The following GPR149 variants were observed in gnomAD, a reference collection of about 807,000 sequenced individuals.
GPR149 encodes the protein probable G protein-coupled receptor 149.
Under a neutral mutation model 50.2 loss-of-function variants are expected in GPR149, and 50 were observed. The observed-to-expected ratio is 1.00, with a 90% CI of 0.79 to 1.26. The LOEUF (loss-of-function observed/expected upper bound fraction) is 1.26. GPR149 is among the 50% of genes most tolerant of loss of function. GPR149 has a pLI of 0.00. For missense variants in GPR149, 983 were observed against 895.4 expected, an observed-to-expected ratio of 1.10 and a Z score of -1.25; for synonymous variants, 405 against 358.2, an observed-to-expected ratio of 1.13 and a Z score of -1.48.
chr3:154,410,578 A>T (rs1210107834), intron 3 of GPR149, among the ~76,000 whole-genome samples: 1 of 152,190 alleles, frequency 6.6e-6, no homozygotes, highest in Non-Finnish European at 1.5e-5. Context: ...AAGTAGCAGC[A>T]GTTTAAAAAG....
In GPR149 at chr3:154,335,875, CCTTT is replaced by C. The variant is rs1454793431; in HGVS notation, c.*1820_*1823del. On this transcript the variant is annotated 3_prime_UTR_variant, in exon 4 of 4. Transcript: ENST00000389740. ...ATTGCATTTTAAAGCAGCAATATCACCTTTCTCTTTCAGAAAATTATACATCTAA... is the reference window on the plus strand; with the variant it reads ...ATTGCATTTTAAAGCAGCAATATCACCTCTTTCAGAAAATTATACATCTAA... 14 of 152,178 alleles carry C rather than the reference CCTTT, an allele frequency of 9.2e-5. No individual in the cohort carries two copies. The highest frequency in any genetic ancestry group is 3.1e-4 in the African/African-American group (13 of 41,560). The allele number at this position is 152,178 out of a possible 1,614,324, so 9.4% of individuals were successfully genotyped here. A position where few individuals can be genotyped will look rare whatever the true frequency, so the allele number is the denominator to read the frequency against.
chr3:154,378,931 T>C (rs1403530567), intron 3 of GPR149, among the ~76,000 whole-genome samples: 3 of 152,178 alleles, frequency 2.0e-5, no homozygotes, highest in East Asian at 3.8e-4. Context: ...GAGTTCTTTA[T>C]ATATTCTGGA....
At chr3:154,414,905 G>T (rs147027433) in intron 3 of GPR149, among the ~76,000 whole-genome samples, 1 of 151,906 alleles carries the variant, frequency 6.6e-6, no homozygotes, top group Admixed American at 6.6e-5. Flanking sequence ...TATCATCAGG[G>T]ATTAGATCCA....
chr3:154,429,611 G>A lies in GPR149; in HGVS notation c.5C>T (p.Ser2Phe). The change falls in exon 1 of 4, where the codon TCT becomes TTT. Residue 2 changes from serine to phenylalanine, a missense_variant. By Grantham distance (155) the Ser-to-Phe change is radical (BLOSUM62 -2). Coordinates refer to ENST00000389740, the MANE Select transcript of GPR149 (RefSeq NM_001038705.3). Reference sequence around the variant, plus strand: ...TGTTGATAAGTTACTGAGAAATAAAGACATTGTCCTTGGTCAATATTTAAT... The same window carrying A: ...TGTTGATAAGTTACTGAGAAATAAAAACATTGTCCTTGGTCAATATTTAAT... M[S>F]LFLSNLSTND... 6.2e-7 allele frequency: 1 copy of A among 1,609,644 alleles called. No homozygotes were observed. The highest frequency in any genetic ancestry group is 8.5e-7 in the Non-Finnish European group (1 of 1,176,982).
chr3:154,418,138 TG>T (rs1257435336), intron 3 of GPR149, among the ~76,000 whole-genome samples: 1 of 140,284 alleles, frequency 7.1e-6, no homozygotes, highest in East Asian at 2.1e-4. Context: ...CCAGTTAGAA[TG>T]GCAATCATTA....
At chr3:154,365,535 C>A (rs930198691) in intron 3 of GPR149, among the ~76,000 whole-genome samples, 5 of 152,214 alleles carry the variant, frequency 3.3e-5, no homozygotes, top group African/African-American at 9.6e-5. Context: ...CAAATCTTTA[C>A]CTTCTGCTCT....
chr3:154,429,083 G>T lies in GPR149; in HGVS notation c.533C>A (p.Thr178Lys), dbSNP rs780542696. The change falls in exon 1 of 4, where the codon ACG becomes AAG. Residue 178 changes from threonine to lysine, a missense_variant. By Grantham distance (78) the Thr-to-Lys change is moderately conservative. Transcript: ENST00000389740. ...GCAGTCCACCAGGCAGCCCCAGGGC[G>T]TGCGCACGAAGGCGCCCCAGCCGCA... The part of the protein sequence containing the change: ...PLCGWGAFVR[T>K]PWGCLVDCSS... The T allele has an allele frequency of 1.2e-6, 2 of 1,613,800 alleles. No individual in the cohort carries two copies. Among genetic ancestry groups the T allele is most frequent in the Non-Finnish European group, 8.5e-7 (1 of 1,179,946 alleles).
intron 3 of GPR149, among the ~76,000 whole-genome samples, chr3:154,407,686 ATG>A (rs1711732354): frequency 7.3e-6 from 1 of 137,156 alleles, no homozygotes; most frequent in African/African-American, 2.8e-5. Context: ...TGTATATGTC[ATG>A]TGTATACACA....
Position 154,337,432 on chromosome 3 carries a change from G to A in GPR149, c.*267C>T, listed in dbSNP as rs1713680656. Among the ~76,000 whole-genome samples, 1 of 152,088 alleles carries A rather than the reference G, an allele frequency of 6.6e-6. No homozygotes were observed. Among genetic ancestry groups the A allele is most frequent in the Non-Finnish European group, 1.5e-5 (1 of 68,010 alleles). On this transcript the variant is annotated 3_prime_UTR_variant, in exon 4 of 4. Transcript: ENST00000389740. ...GACAAGCAAAAACATTGGTAAACTA[G>A]GCCAAGATTTGATTTAGAAAATATT...
chr3:154,352,457 A>G lies in GPR149; in HGVS notation c.1624-14186T>C. ...CAGTTGTAGGAACATCAAAGCAAAC[A>G]CCCATATTTCCTTTCAGGAGGCACA... On this transcript the variant is annotated intron_variant, in intron 3 of 3. Coordinates refer to ENST00000389740, the MANE Select transcript of GPR149 (RefSeq NM_001038705.3). 9 of 808,440 alleles carry G rather than the reference A, an allele frequency of 1.1e-5. No homozygotes were observed. In the South Asian group the frequency reaches 1.2e-4, roughly 11 times the overall value. 50.1% of individuals were successfully genotyped at this position (808,440 alleles called of 1,614,324 possible). A position where few individuals can be genotyped will look rare whatever the true frequency, so the allele number is the denominator to read the frequency against.
At chr3:154,345,510 T>C (rs200629614) in intron 3 of GPR149, among the ~76,000 whole-genome samples, 1 of 152,318 alleles carries the variant, frequency 6.6e-6, no homozygotes, top group East Asian at 1.9e-4. Flanking sequence ...ATTATTGCTA[T>C]ATTCTTGAGT....
rs370437092 is a variant in GPR149 at position 154,429,174 on chromosome 3, C to T, written c.442G>A (p.Gly148Ser). The change falls in exon 1 of 4, where the codon GGC (glycine) becomes AGC (serine). Residue 148 changes from glycine to serine, a missense_variant. Coordinates refer to ENST00000389740, the MANE Select transcript of GPR149 (RefSeq NM_001038705.3). ...GTCAGCACCACGCCGAGCACCTGGCCCGATCTTCTGGAGGCTGTCTGGCTC... is the reference window on the plus strand; with the variant it reads ...GTCAGCACCACGCCGAGCACCTGGCTCGATCTTCTGGAGGCTGTCTGGCTC... The part of the protein sequence containing the change: ...VGSQTASRRS[G>S]QVLGVVLTVW... 2.6e-5 allele frequency: 42 copies of T among 1,613,974 alleles called. No homozygotes were observed. In the East Asian group the frequency reaches 6.7e-4, roughly 26 times the overall value.
intron 3 of GPR149, among the ~76,000 whole-genome samples, chr3:154,378,186 G>A (rs1048633442): frequency 6.7e-6 from 1 of 148,222 alleles, no homozygotes; most frequent in Non-Finnish European, 1.5e-5. Flanking sequence ...GGGTTCCAGT[G>A]ATCCTTGTGC....
chr3:154,406,560 C>T (rs1421047134), intron 3 of GPR149, among the ~76,000 whole-genome samples: 1 of 152,134 alleles, frequency 6.6e-6, no homozygotes, highest in African/African-American at 2.4e-5. Flanking sequence ...TGGGTTATTA[C>T]ACAGCCATGA....
intron 3 of GPR149, among the ~76,000 whole-genome samples, chr3:154,380,126 A>G (rs2108405995): frequency 6.6e-6 from 1 of 151,284 alleles, no homozygotes; most frequent in South Asian, 2.1e-4. Context: ...TTATTCATTA[A>G]CACCTCTGAC....
chr3:154,414,019 A>G (rs559761699), intron 3 of GPR149, among the ~76,000 whole-genome samples: 1 of 151,956 alleles, frequency 6.6e-6, no homozygotes, highest in African/African-American at 2.4e-5. Flanking sequence ...AGCAACCTGC[A>G]TGGAATTAGA....
At chr3:154,364,977 T>A (rs1714495704) in intron 3 of GPR149, among the ~76,000 whole-genome samples, 1 of 152,138 alleles carries the variant, frequency 6.6e-6, no homozygotes, top group Admixed American at 6.5e-5. Flanking sequence ...GGTGGGGACT[T>A]TTTGCAGTGG....
intron 3 of GPR149, chr3:154,354,755 G>T: frequency 1.4e-6 from 1 of 729,530 alleles, no homozygotes; most frequent in South Asian, 1.9e-5. Context: ...TCCTCCAAGG[G>T]TGTTTTCAGC....
rs1576935524 is a variant in GPR149 at position 154,429,373 on chromosome 3, G to A, written c.243C>T (p.Ser81=). The change falls in exon 1 of 4, where the codon AGC becomes AGT. Residue 81 remains serine (S), a synonymous_variant. Coordinates refer to ENST00000389740, the MANE Select transcript of GPR149 (RefSeq NM_001038705.3). The part of the protein sequence containing the change: ...VASWSVDDLM[S]VLSVTIFMFL... ...ACATGAAGATGGTCACCGACAGGACGCTCATGAGATCATCCACAGACCAGG... is the reference window on the plus strand; with the variant it reads ...ACATGAAGATGGTCACCGACAGGACACTCATGAGATCATCCACAGACCAGG... The A allele has an allele frequency of 6.2e-7, 1 of 1,614,176 alleles. No homozygotes were observed. Among genetic ancestry groups the A allele is most frequent in the East Asian group, 2.2e-5 (1 of 44,880 alleles).
Sources: gnomAD v4.1 joint callset for allele counts (sites outside exome capture counted in the v4.1 genomes callset) on GRCh38, gnomAD v4.1.1 for gene constraint, MANE v1.5 for transcripts, NCBI Gene and HGNC (gene_info 2026-07-23, HGNC 2026-07-21) for gene names.